The following PTPRD variants were observed in gnomAD, a reference collection of about 807,000 sequenced individuals.
PTPRD encodes receptor-type tyrosine-protein phosphatase delta.
PTPRD carries 34 observed loss-of-function variants against 214.5 expected under a neutral mutation model. That is an observed-to-expected ratio of 0.16 (90% confidence interval 0.12 to 0.21). The LOEUF is 0.21. Ranked by LOEUF, PTPRD falls within the 10% of genes least tolerant of loss-of-function variation. PTPRD has a pLI of 1.00. For missense variants in PTPRD, 2,545 were observed against 2,398.7 expected (o/e 1.06, Z -1.27); for synonymous variants, 1,128 against 845.7 (o/e 1.33, Z -5.79).
intron 34 of PTPRD, among the ~76,000 whole-genome samples, chr9:8,443,476 C>T (rs529819957): frequency 1.8e-4 from 27 of 152,258 alleles, no homozygotes; most frequent in African/African-American, 6.3e-4. Context: ...ATTTCTGATC[C>T]GTTAACTTTT....
intron 10 of PTPRD, among the ~76,000 whole-genome samples, chr9:9,102,611 G>C (rs2099792934): frequency 6.6e-6 from 1 of 152,200 alleles, no homozygotes; most frequent in Non-Finnish European, 1.5e-5. Flanking sequence ...CCACCAGGGT[G>C]GCTGATTACG....
intron 39 of PTPRD, among the ~76,000 whole-genome samples, chr9:8,370,041 C>A (rs1430761208): frequency 6.6e-6 from 1 of 151,932 alleles, no homozygotes; most frequent in African/African-American, 2.4e-5. Flanking sequence ...AACAAAACGG[C>A]CTTAGTTTCT....
At chr9:9,534,692 G>C (rs942342571) in intron 8 of PTPRD, among the ~76,000 whole-genome samples, 2 of 151,988 alleles carry the variant, frequency 1.3e-5, no homozygotes, top group Non-Finnish European at 2.9e-5. Flanking sequence ...TCTATTACTA[G>C]CCTAATGCCA....
intron 7 of PTPRD, among the ~76,000 whole-genome samples, chr9:9,617,508 G>C (rs1166620300): frequency 6.6e-6 from 1 of 152,196 alleles, no homozygotes; most frequent in Non-Finnish European, 1.5e-5. Context: ...TGTATGGAAA[G>C]GTTGACAAAT....
chr9:9,589,470 T>C (rs1054902992), intron 7 of PTPRD, among the ~76,000 whole-genome samples: 3 of 152,024 alleles, frequency 2.0e-5, no homozygotes, highest in African/African-American at 7.2e-5. Flanking sequence ...AGGTTGCTGG[T>C]GTTTCTGATT....
rs575159405 is a variant in PTPRD, at chr9:9,854,113, G to C, written c.-368+84394C>G. 1.1e-4 allele frequency among the ~76,000 whole-genome samples: 16 copies of C among 152,204 alleles called. No individual in the cohort carries two copies. The South Asian group carries it at 3.1e-3, about 30-fold the overall frequency. On this transcript the variant is annotated intron_variant, in intron 5 of 45. Coordinates refer to ENST00000381196, the MANE Select transcript of PTPRD (RefSeq NM_002839.4). ...CACTTACTCCTCCTATCTAATTGTA[G>C]TCTTGTAACCATTGACAGATCTCAT...
intron 5 of PTPRD, among the ~76,000 whole-genome samples, chr9:9,834,028 G>A (rs1365952778): frequency 1.3e-5 from 2 of 152,048 alleles, no homozygotes; most frequent in Non-Finnish European, 2.9e-5. Context: ...ACAGGCATAG[G>A]AAATCACAAG....
intron 7 of PTPRD, among the ~76,000 whole-genome samples, chr9:9,647,395 C>T (rs1179491991): frequency 6.6e-6 from 1 of 151,784 alleles, no homozygotes; most frequent in Non-Finnish European, 1.5e-5. Context: ...GCCTTGTATT[C>T]TTCTGGAACT....
intron 9 of PTPRD, among the ~76,000 whole-genome samples, chr9:9,243,516 A>G (rs938463621): frequency 6.6e-6 from 1 of 152,208 alleles, no homozygotes; most frequent in Non-Finnish European, 1.5e-5. Flanking sequence ...AATCCAGCAT[A>G]TAAACAGAAC....
chr9:9,636,285 T>C (rs1361403022), intron 7 of PTPRD, among the ~76,000 whole-genome samples: 1 of 152,220 alleles, frequency 6.6e-6, no homozygotes, highest in Non-Finnish European at 1.5e-5. Context: ...TCTAGGACTT[T>C]TTGCATAGTT....
intron 6 of PTPRD, among the ~76,000 whole-genome samples, chr9:9,739,269 C>T (rs2098358365): frequency 6.6e-6 from 1 of 152,130 alleles, no homozygotes; most frequent in Non-Finnish European, 1.5e-5. Flanking sequence ...TCAAAAGGAA[C>T]CACTGCTACT....
At chr9:9,474,819 T>C (rs1383782204) in intron 8 of PTPRD, among the ~76,000 whole-genome samples, 9 of 152,186 alleles carry the variant, frequency 5.9e-5, no homozygotes, top group Non-Finnish European at 1.5e-5. Context: ...TTATCAATTC[T>C]AGGACTTTTT....
In PTPRD at chr9:8,645,796, G is replaced by T. The variant is rs556813603; in HGVS notation, c.65-8952C>A. 7.8e-4 allele frequency among the ~76,000 whole-genome samples: 118 copies of T among 152,018 alleles called. 4 individuals carry two copies. The South Asian group carries it at 0.024, about 31-fold the overall frequency. The stretch of plus-strand genomic sequence containing the variant: ...TACCTTCCAGCATCTCAAAATTGTT[G>T]TGTTGAAAACATACCATGTCATTTG... On this transcript the variant is annotated intron_variant, in intron 12 of 45. Transcript: ENST00000381196.
intron 44 of PTPRD, among the ~76,000 whole-genome samples, chr9:8,322,271 C>A (rs140966690): frequency 1.3e-5 from 2 of 152,274 alleles, no homozygotes; most frequent in African/African-American, 4.8e-5. Context: ...GTGTATCTAA[C>A]TAACTTTAAA....
At chr9:8,523,194 T>G (rs778012577) in intron 19 of PTPRD, among the ~76,000 whole-genome samples, 1 of 152,130 alleles carries the variant, frequency 6.6e-6, no homozygotes, top group Non-Finnish European at 1.5e-5. Flanking sequence ...GGCATCCTTA[T>G]AAGACAGAAA....
chr9:8,856,654 A>T (rs1193608596), intron 11 of PTPRD, among the ~76,000 whole-genome samples: 1 of 152,210 alleles, frequency 6.6e-6, no homozygotes, highest in Admixed American at 6.5e-5. Flanking sequence ...TGAGAATTTT[A>T]GAAAACGGAG....
At chr9:9,629,740 G>GGAATTCA (rs1302238463) in intron 7 of PTPRD, among the ~76,000 whole-genome samples, 2 of 152,014 alleles carry the variant, frequency 1.3e-5, no homozygotes, top group Non-Finnish European at 2.9e-5. Context: ...TTTGGGGAAA[G>GGAATTCA]GAATAGGCTC....
intron 5 of PTPRD, among the ~76,000 whole-genome samples, chr9:9,822,682 A>T (rs894165178): frequency 5.9e-5 from 9 of 151,906 alleles, no homozygotes; most frequent in Non-Finnish European, 1.0e-4. Context: ...TTCATAACAG[A>T]AAATAATCAC....
chr9:9,594,272 T>G (rs949850973), intron 7 of PTPRD, among the ~76,000 whole-genome samples: 14 of 152,072 alleles, frequency 9.2e-5, no homozygotes, highest in African/African-American at 3.4e-4. Flanking sequence ...GGAGTTAATT[T>G]AAAATATTCC....
Sources: gnomAD v4.1 joint callset for allele counts (sites outside exome capture counted in the v4.1 genomes callset) on GRCh38, gnomAD v4.1.1 for gene constraint, MANE v1.5 for transcripts, NCBI Gene and HGNC (gene_info 2026-07-23, HGNC 2026-07-21) for gene names.